Variants in POU2F1 observed in about 807,000 individuals in gnomAD.
POU2F1 encodes POU domain, class 2, transcription factor 1.
POU2F1 carries 16 observed loss-of-function variants against 84.9 expected under a neutral mutation model. The observed-to-expected ratio is 0.19, with a 90% CI of 0.13 to 0.29. The LOEUF is 0.29. Ranked by LOEUF, POU2F1 falls within the 10% of genes least tolerant of loss-of-function variation. The pLI is 1.00. For missense variants in POU2F1, 738 were observed against 942.6 expected (o/e 0.78, Z 2.84); for synonymous variants, 368 against 368.3 (o/e 1.00, Z 0.01).
chr1:167,258,574 CAT>C (rs1483169514), intron 1 of POU2F1, among the ~76,000 whole-genome samples: 37 of 149,686 alleles, frequency 2.5e-4, no homozygotes, highest in Non-Finnish European at 1.5e-4. Flanking sequence ...TCTGTATACA[CAT>C]GTGTACACAG....
intron 2 of POU2F1, among the ~76,000 whole-genome samples, chr1:167,365,115 T>C (rs1305894732): frequency 1.3e-5 from 2 of 152,248 alleles, no homozygotes; most frequent in Non-Finnish European, 1.5e-5. Flanking sequence ...TCAAGTAGGC[T>C]GAAAAATAGA....
chr1:167,230,171 C>T (rs1388559879), intron 1 of POU2F1, among the ~76,000 whole-genome samples: 1 of 152,134 alleles, frequency 6.6e-6, no homozygotes, highest in Non-Finnish European at 1.5e-5. Flanking sequence ...AGACACATGA[C>T]CTGAATGTGT....
At chr1:167,348,932 T>C (rs1281194632) in intron 2 of POU2F1, among the ~76,000 whole-genome samples, 2 of 152,184 alleles carry the variant, frequency 1.3e-5, no homozygotes, top group East Asian at 3.8e-4. Flanking sequence ...TTTTTTTAGA[T>C]ACCACTTTTC....
intron 1 of POU2F1, among the ~76,000 whole-genome samples, chr1:167,279,870 A>G (rs573658612): frequency 6.6e-6 from 1 of 152,330 alleles, no homozygotes; most frequent in South Asian, 2.1e-4. Flanking sequence ...GTTTGGAAAC[A>G]TAGGATAAGC....
At chr1:167,319,572 A>C (rs559191477) in intron 1 of POU2F1, among the ~76,000 whole-genome samples, 1 of 152,004 alleles carries the variant, frequency 6.6e-6, no homozygotes, top group East Asian at 1.9e-4. Context: ...TTAATATTCC[A>C]TAGAGAGAAA....
intron 9 of POU2F1, among the ~76,000 whole-genome samples, chr1:167,391,027 T>C (rs1214132417): frequency 6.6e-6 from 1 of 152,184 alleles, no homozygotes; most frequent in African/African-American, 2.4e-5. Flanking sequence ...ATTTAATGGT[T>C]TAAACAGTTG....
At chr1:167,230,073 T>G (rs531571703) in intron 1 of POU2F1, among the ~76,000 whole-genome samples, 1 of 152,326 alleles carries the variant, frequency 6.6e-6, no homozygotes, top group South Asian at 2.1e-4. Flanking sequence ...AATTTGAAGA[T>G]CTATCTTGGG....
At chr1:167,329,544 T>G (rs1656941005) in intron 1 of POU2F1, among the ~76,000 whole-genome samples, 1 of 152,148 alleles carries the variant, frequency 6.6e-6, no homozygotes, top group African/African-American at 2.4e-5. Flanking sequence ...ATACAGTTAA[T>G]TTAGAGTTCA....
At chr1:167,372,116 C>A in intron 5 of POU2F1, 80 bp downstream of exon 5, 1 of 1,521,426 alleles carries the variant, frequency 6.6e-7, no homozygotes, top group Non-Finnish European at 8.9e-7. Flanking sequence ...TAGAATTGTT[C>A]ACCATAGCTG....
intron 2 of POU2F1, among the ~76,000 whole-genome samples, chr1:167,349,074 T>C (rs1179471276): frequency 1.3e-5 from 2 of 152,160 alleles, no homozygotes; most frequent in African/African-American, 4.8e-5. Flanking sequence ...TAACAGGGTA[T>C]TTAAAATTGT....
intron 1 of POU2F1, among the ~76,000 whole-genome samples, chr1:167,272,541 A>C (rs1188295735): frequency 1.3e-5 from 2 of 152,272 alleles, no homozygotes; most frequent in South Asian, 4.2e-4. Flanking sequence ...GAAGGCCTCA[A>C]GAAACTTAGA....
At chr1:167,304,817 T>C (rs1654944347) in intron 1 of POU2F1, among the ~76,000 whole-genome samples, 1 of 152,246 alleles carries the variant, frequency 6.6e-6, no homozygotes, top group Non-Finnish European at 1.5e-5. Flanking sequence ...GTTTTCACTT[T>C]TTATAGTTGA....
chr1:167,398,518 T>A (rs1292684394), intron 11 of POU2F1, among the ~76,000 whole-genome samples: 1 of 152,142 alleles, frequency 6.6e-6, no homozygotes, highest in Non-Finnish European at 1.5e-5. Flanking sequence ...GAGGAGACAC[T>A]CTAGTAGATT....
intron 1 of POU2F1, among the ~76,000 whole-genome samples, chr1:167,253,955 TA>T (rs1212401265): frequency 1.3e-5 from 2 of 152,222 alleles, no homozygotes; most frequent in Non-Finnish European, 2.9e-5. Flanking sequence ...ACCCAGACTT[TA>T]GCTCCATCTA....
intron 1 of POU2F1, among the ~76,000 whole-genome samples, chr1:167,251,345 G>A (rs1007708578): frequency 3.9e-5 from 6 of 152,178 alleles, no homozygotes; most frequent in African/African-American, 1.4e-4. Context: ...GCTGCAGTGA[G>A]CTGAGATCAT....
chr1:167,416,875 G>A lies in POU2F1; in HGVS notation c.*1065G>A. ...TTGGTTCCCAAGAGCAAAGACTACTGCAGACACCTGACTTGGTGGTTCTCC... is the reference window on the plus strand; with the variant it reads ...TTGGTTCCCAAGAGCAAAGACTACTACAGACACCTGACTTGGTGGTTCTCC... On this transcript the variant is annotated 3_prime_UTR_variant, in exon 16 of 16. Coordinates refer to ENST00000367866, the MANE Select transcript of POU2F1 (RefSeq NM_002697.4). The A allele has an allele frequency of 6.6e-6, 1 of 152,236 alleles. No homozygotes were observed. Among genetic ancestry groups the A allele is most frequent in the East Asian group, 1.9e-4 (1 of 5,202 alleles). The allele number at this position is 152,236 out of a possible 1,614,324, so 9.4% of individuals were successfully genotyped here.
chr1:167,399,368 A>G lies in POU2F1; in HGVS notation c.1449+3A>G. ...TTTTCCCCAGCCCAACTTCACTGGT[A>G]AGAATAAAAAATAGGGAGTGCAAGC... On this transcript the variant is annotated splice_donor_region_variant and intron_variant, in intron 12 of 15. Coordinates refer to ENST00000367866, the MANE Select transcript of POU2F1 (RefSeq NM_002697.4). 8.7e-6 allele frequency: 14 copies of G among 1,605,336 alleles called. No individual in the cohort carries two copies. Among genetic ancestry groups the G allele is most frequent in the Non-Finnish European group, 1.2e-5 (14 of 1,175,414 alleles).
chr1:167,257,680 G>T (rs993553868), intron 1 of POU2F1: 1 of 152,112 alleles, frequency 6.6e-6, no homozygotes, highest in African/African-American at 2.4e-5. Context: ...GCAACTAGAG[G>T]TAATAATAAT....
intron 1 of POU2F1, among the ~76,000 whole-genome samples, chr1:167,267,325 T>G (rs1652037216): frequency 6.6e-6 from 1 of 151,990 alleles, no homozygotes; most frequent in South Asian, 2.1e-4. Flanking sequence ...AAATACTAAA[T>G]GTAATGGGAA....
Sources: gnomAD v4.1 joint callset for allele counts (sites outside exome capture counted in the v4.1 genomes callset) on GRCh38, gnomAD v4.1.1 for gene constraint, MANE v1.5 for transcripts, NCBI Gene and HGNC (gene_info 2026-07-23, HGNC 2026-07-21) for gene names.